Variants in CCL11 observed in about 807,000 individuals in gnomAD.
CCL11 encodes the protein eotaxin.
A neutral mutation model predicts 7.3 loss-of-function variants in CCL11; 7 were observed. That is an observed-to-expected ratio of 0.96 (90% CI 0.55 to 1.81). The LOEUF (loss-of-function observed/expected upper bound fraction) is 1.81, where lower values mean the gene tolerates loss of function less well. Ranked by LOEUF, CCL11 falls within the 40% of genes most tolerant of loss-of-function variation. CCL11 has a pLI of 0.00. For synonymous variants in CCL11, 66 were observed against 45.2 expected (o/e 1.46, Z -1.84); for missense variants, 132 against 114.2 (o/e 1.16, Z -0.71).
intron 1 of CCL11, among the ~76,000 whole-genome samples, chr17:34,286,750 C>T (rs1465855535): frequency 1.3e-5 from 2 of 152,212 alleles, no homozygotes; most frequent in African/African-American, 4.8e-5. Flanking sequence ...GCAAGTCTAC[C>T]TTGTGTCTCA....
At chr17:34,285,941 G>T in intron 1 of CCL11, 57 bp downstream of exon 1, 1 of 1,200,608 alleles carries the variant, frequency 8.3e-7, no homozygotes, top group South Asian at 1.3e-5. Context: ...GAGCTACTAG[G>T]TCAGCAAGAA....
At position 34,287,803 on chromosome 17, in the gene CCL11, A is replaced by T; in HGVS notation, c.*113A>T. 2.4e-6 allele frequency: 1 copy of T among 415,890 alleles called. No homozygotes were observed. 25.8% of individuals were successfully genotyped at this position (415,890 alleles called of 1,614,324 possible). A position where few individuals can be genotyped will look rare whatever the true frequency, so the allele number is the denominator to read the frequency against. On this transcript the variant is annotated 3_prime_UTR_variant, in exon 3 of 3. Transcript: ENST00000305869. ...TATCAGTCCAAAGGGCATGGGTTTT[A>T]TTATATATATATATTTTTTTTTTTA...
Position 34,285,850 on chromosome 17 carries a change from A to G in CCL11, c.42A>G (p.Ala14=). 6.2e-7 allele frequency: 1 copy of G among 1,612,632 alleles called. No individual in the cohort carries two copies. Among genetic ancestry groups the G allele is most frequent in the South Asian group, 1.1e-5 (1 of 90,840 alleles). The change falls in exon 1 of 3, where the codon GCA becomes GCG. Residue 14 remains alanine, a synonymous_variant. Transcript: ENST00000305869. ...CACTTCTGTGGCTGCTGCTCATAGC[A>G]GCTGCCTTCAGCCCCCAGGGGCTCG... ...SAALLWLLLI[A]AAFSPQGLAG... is the part of the protein sequence containing the mutation.
At chr17:34,286,870 T>C (rs1908646887) in intron 1 of CCL11, among the ~76,000 whole-genome samples, 1 of 152,196 alleles carries the variant, frequency 6.6e-6, no homozygotes, top group Non-Finnish European at 1.5e-5. Flanking sequence ...GCTTTGTCCA[T>C]ACACTCTACA....
At chr17:34,286,692 G>A (rs1446396113) in intron 1 of CCL11, among the ~76,000 whole-genome samples, 3 of 152,198 alleles carry the variant, frequency 2.0e-5, no homozygotes, top group African/African-American at 4.8e-5. Context: ...CTTCTTTATT[G>A]ATCAAAACTA....
Position 34,287,591 on chromosome 17 carries a change from G to A in CCL11, c.195G>A (p.Lys65=). 1 of 1,612,850 alleles carries A rather than the reference G, an allele frequency of 6.2e-7. No homozygotes were observed. ...GKCPQKAVIF[K]TKLAKDICAD... is the part of the protein sequence containing the mutation. The stretch of plus-strand genomic sequence containing the variant: ...CATCCTGTATCTCCCACAGCTTCAA[G>A]ACCAAACTGGCCAAGGATATCTGTG... Residue 65 remains lysine, a synonymous_variant, in exon 3 of 3, where the codon AAG becomes AAA. Transcript: ENST00000305869.
rs1203486978 is a variant in CCL11, at chr17:34,285,826, A to G, written c.18A>G (p.Ala6=). The G allele has an allele frequency of 6.2e-7, 1 of 1,613,174 alleles. No individual in the cohort carries two copies. The highest frequency in any genetic ancestry group is 1.1e-5 in the South Asian group (1 of 90,964). Residue 6 remains alanine, a synonymous_variant, in exon 1 of 3, where the codon GCA becomes GCG. Coordinates refer to ENST00000305869, the MANE Select transcript of CCL11 (RefSeq NM_002986.3). MKVSA[A]LLWLLLIAAA... is the part of the protein sequence containing the mutation. ...CCTCCAACATGAAGGTCTCCGCAGC[A>G]CTTCTGTGGCTGCTGCTCATAGCAG...
Position 34,287,812 on chromosome 17 carries a change from AT to A in CCL11, c.*123del, listed in dbSNP as rs149027038. ...AAAGGGCATGGGTTTTATTATATAT[AT>A]ATATTTTTTTTTTTAAAAAAAAAAC... is the stretch of plus-strand genomic sequence containing the variant. On this transcript the variant is annotated 3_prime_UTR_variant, in exon 3 of 3. Transcript: ENST00000305869. 3 of 312,574 alleles carry A rather than the reference AT, an allele frequency of 9.6e-6. No individual in the cohort carries two copies. The African/African-American group carries it at 1.2e-4, about 13-fold the overall frequency. 19.4% of individuals were successfully genotyped at this position (312,574 alleles called of 1,614,324 possible).
At chr17:34,287,280 C>T in intron 2 of CCL11, 73 bp downstream of exon 2, 1 of 1,095,486 alleles carries the variant, frequency 9.1e-7, no homozygotes, top group Non-Finnish European at 1.4e-6. Context: ...AACTGTGTCA[C>T]AGTTGCTGGG....
chr17:34,285,941 G>A (rs1908619182), intron 1 of CCL11, 57 bp downstream of exon 1: 1 of 1,200,608 alleles, frequency 8.3e-7, no homozygotes, highest in Non-Finnish European at 1.2e-6. Context: ...GAGCTACTAG[G>A]TCAGCAAGAA....
At chr17:34,287,547 A>G in intron 2 of CCL11, 38 bp from the exon 3 acceptor site, 1 of 1,486,024 alleles carries the variant, frequency 6.7e-7, no homozygotes, top group Non-Finnish European at 9.4e-7. Flanking sequence ...AGAATTTTCA[A>G]AAACAATCCT....
chr17:34,287,618 C>A lies in CCL11; in HGVS notation c.222C>A (p.Ala74=), dbSNP rs55901334. 573 of 1,613,664 alleles carry A rather than the reference C, an allele frequency of 3.6e-4. 2 individuals carry two copies. The East Asian group carries it at 9.3e-3, about 26-fold the overall frequency. ...CCAAACTGGCCAAGGATATCTGTGC[C>A]GACCCCAAGAAGAAGTGGGTGCAGG... The part of the protein sequence containing the change: ...FKTKLAKDIC[A]DPKKKWVQDS... The change falls in exon 3 of 3, where the codon GCC becomes GCA. Residue 74 remains alanine (A), a synonymous_variant. Coordinates refer to ENST00000305869, the MANE Select transcript of CCL11 (RefSeq NM_002986.3).
chr17:34,287,591 G>C lies in CCL11; in HGVS notation c.195G>C (p.Lys65Asn). 6.2e-7 allele frequency: 1 copy of C among 1,612,852 alleles called. No homozygotes were observed. The highest frequency in any genetic ancestry group is 8.5e-7 in the Non-Finnish European group (1 of 1,179,110). Reference sequence around the variant, plus strand: ...CATCCTGTATCTCCCACAGCTTCAAGACCAAACTGGCCAAGGATATCTGTG... The same window carrying C: ...CATCCTGTATCTCCCACAGCTTCAACACCAAACTGGCCAAGGATATCTGTG... ...GKCPQKAVIF[K>N]TKLAKDICAD... is the part of the protein sequence containing the mutation. Residue 65 changes from lysine to asparagine, a missense_variant, in exon 3 of 3, where the codon AAG (lysine) becomes AAC (asparagine). By Grantham distance (94) the Lys-to-Asn change is moderately conservative. Transcript: ENST00000305869.
rs2142211146 is a variant in CCL11, at chr17:34,285,808, C to A, written c.-1C>A. Reference sequence around the variant, plus strand: ...CAAAGCTCACACCTTCAGCCTCCAACATGAAGGTCTCCGCAGCACTTCTGT... The same window carrying A: ...CAAAGCTCACACCTTCAGCCTCCAAAATGAAGGTCTCCGCAGCACTTCTGT... On this transcript the variant is annotated 5_prime_UTR_variant, in exon 1 of 3. Coordinates refer to ENST00000305869, the MANE Select transcript of CCL11 (RefSeq NM_002986.3). 6.2e-7 allele frequency: 1 copy of A among 1,610,818 alleles called. No individual in the cohort carries two copies. Among genetic ancestry groups the A allele is most frequent in the Non-Finnish European group, 8.5e-7 (1 of 1,178,116 alleles).
At chr17:34,286,115 AC>A (rs1317772153) in intron 1 of CCL11, among the ~76,000 whole-genome samples, 2 of 152,150 alleles carry the variant, frequency 1.3e-5, no homozygotes, top group Admixed American at 1.3e-4. Flanking sequence ...GTGCATCCAT[AC>A]CCAGCTATCC....
At chr17:34,287,465 ATCCT>A in intron 2 of CCL11, 116 bp from the exon 3 acceptor site, 1 of 726,968 alleles carries the variant, frequency 1.4e-6, no homozygotes, top group East Asian at 2.6e-5. Flanking sequence ...CAAGAGTCTC[ATCCT>A]TCCTCCTCTC....
In CCL11 at chr17:34,287,669, A is replaced by C; in HGVS notation, c.273A>C (p.Lys91Asn). 1 of 1,612,956 alleles carries C rather than the reference A, an allele frequency of 6.2e-7. No homozygotes were observed. Residue 91 changes from lysine (K) to asparagine (N), a missense_variant, in exon 3 of 3, where the codon AAA (lysine) becomes AAC (asparagine). By Grantham distance (94) the Lys-to-Asn change is moderately conservative. Coordinates refer to ENST00000305869, the MANE Select transcript of CCL11 (RefSeq NM_002986.3). ...VQDSMKYLDQ[K>N]SPTPKP ...ATTCCATGAAGTATCTGGACCAAAA[A>C]TCTCCAACTCCAAAGCCATAAATAA...
chr17:34,285,929 C>T, intron 1 of CCL11, 45 bp downstream of exon 1: 2 of 1,313,468 alleles, frequency 1.5e-6, no homozygotes, highest in Non-Finnish European at 2.1e-6. Flanking sequence ...TAACCACCTC[C>T]AGAGCTACTA....
intron 1 of CCL11, among the ~76,000 whole-genome samples, chr17:34,286,522 C>T (rs1330133629): frequency 6.6e-6 from 1 of 152,208 alleles, no homozygotes; most frequent in East Asian, 1.9e-4. Flanking sequence ...AATGTATGGG[C>T]TCAGGCTTCT....
Sources: gnomAD v4.1 joint callset for allele counts (sites outside exome capture counted in the v4.1 genomes callset) on GRCh38, gnomAD v4.1.1 for gene constraint, MANE v1.5 for transcripts, NCBI Gene and HGNC (gene_info 2026-07-23, HGNC 2026-07-21) for gene names.